Variants in GRM8 observed in about 807,000 individuals in gnomAD.
GRM8 encodes the protein glutamate metabotropic receptor 8.
A neutral mutation model predicts 87.2 loss-of-function variants in GRM8; 47 were observed. That is an observed-to-expected ratio of 0.54 (90% CI 0.43 to 0.69). GRM8 has a LOEUF of 0.69. Ranked by LOEUF, GRM8 falls within the 30% of genes least tolerant of loss-of-function variation. The pLI is 0.00. For missense variants in GRM8, 1,019 were observed against 1,139.2 expected (o/e 0.89, Z 1.52); for synonymous variants, 396 against 404.5 (o/e 0.98, Z 0.25).
intron 3 of GRM8, among the ~76,000 whole-genome samples, chr7:127,026,692 T>C (rs1271479027): frequency 4.0e-5 from 6 of 150,340 alleles, no homozygotes; most frequent in African/African-American, 9.7e-5. Flanking sequence ...TTTTTGATGG[T>C]TTTTTCTTGT....
At chr7:126,742,315 T>C (rs1242567365) in intron 7 of GRM8, among the ~76,000 whole-genome samples, 1 of 152,064 alleles carries the variant, frequency 6.6e-6, no homozygotes, top group Non-Finnish European at 1.5e-5. Context: ...AAAGACATAC[T>C]GGCTATGCTC....
chr7:126,695,446 T>C (rs1299578579), intron 7 of GRM8, among the ~76,000 whole-genome samples: 4 of 152,086 alleles, frequency 2.6e-5, no homozygotes, highest in African/African-American at 9.7e-5. Flanking sequence ...AAGGAGTAGA[T>C]GGAATGACTG....
At position 126,443,825 on chromosome 7, in the gene GRM8, T is replaced by C. The variant is rs541097107; in HGVS notation, c.2677+2301A>G. 2.6e-5 allele frequency among the ~76,000 whole-genome samples: 4 copies of C among 152,068 alleles called. No individual in the cohort carries two copies. In the South Asian group the frequency reaches 8.3e-4, roughly 32 times the overall value. On this transcript the variant is annotated intron_variant, in intron 10 of 10. Transcript: ENST00000339582. ...TATATAATTTCCATTTCAACATTAA[T>C]AGAAAATAACCAAAGGAAAACAGTA...
At chr7:126,441,987 T>C (rs997189478) in intron 10 of GRM8, among the ~76,000 whole-genome samples, 3 of 116,802 alleles carry the variant, frequency 2.6e-5, no homozygotes, top group East Asian at 5.0e-4. Context: ...TTACATTCTA[T>C]TCCCTGCAAA....
At chr7:126,454,608 A>G (rs1399906473) in intron 9 of GRM8, among the ~76,000 whole-genome samples, 2 of 151,548 alleles carry the variant, frequency 1.3e-5, no homozygotes, top group Non-Finnish European at 3.0e-5. Flanking sequence ...TCGAAGGCCT[A>G]ACCCCCAGTA....
At chr7:126,451,373 A>T (rs942674378) in intron 9 of GRM8, among the ~76,000 whole-genome samples, 1 of 151,684 alleles carries the variant, frequency 6.6e-6, no homozygotes, top group Non-Finnish European at 1.5e-5. Context: ...ACCATATCCT[A>T]TTGATTCTAC....
At chr7:127,044,134 C>T (rs1031785613) in intron 3 of GRM8, among the ~76,000 whole-genome samples, 13 of 152,198 alleles carry the variant, frequency 8.5e-5, no homozygotes, top group African/African-American at 3.1e-4. Context: ...AGGGGAAGCT[C>T]AGAGCTCACC....
At position 127,121,232 on chromosome 7, in the gene GRM8, C is replaced by T. The variant is rs73231209; in HGVS notation, c.511-14520G>A. 4.1e-3 allele frequency among the ~76,000 whole-genome samples: 620 copies of T among 152,226 alleles called. 1 individual carries two copies. Among genetic ancestry groups the T allele is most frequent in the Non-Finnish European group, 7.7e-3 (524 of 68,006 alleles). ...GAGCAATCAAGCCTGCATGTCTTGG[C>T]GAATTAGCTCATTTTCAGGAGACTT... On this transcript the variant is annotated intron_variant, in intron 2 of 10. Coordinates refer to ENST00000339582, the MANE Select transcript of GRM8 (RefSeq NM_000845.3).
chr7:126,483,849 C>A (rs1807040644), intron 9 of GRM8, among the ~76,000 whole-genome samples: 1 of 137,540 alleles, frequency 7.3e-6, no homozygotes, highest in African/African-American at 2.7e-5. Flanking sequence ...GAAGGGCTGA[C>A]AAAAACCACT....
At chr7:126,749,170 C>A (rs1208658134) in intron 7 of GRM8, among the ~76,000 whole-genome samples, 1 of 152,050 alleles carries the variant, frequency 6.6e-6, no homozygotes, top group South Asian at 2.1e-4. Context: ...CCCAGCTACT[C>A]CAGAGGCTGA....
intron 7 of GRM8, among the ~76,000 whole-genome samples, chr7:126,751,451 T>C (rs1230352472): frequency 6.6e-6 from 1 of 152,164 alleles, no homozygotes; most frequent in Admixed American, 6.6e-5. Flanking sequence ...TGTATGTACA[T>C]GTAGTTAAAT....
rs897293832 is a variant in GRM8, at chr7:126,863,968, AT to A, written c.1156+38573del. On this transcript the variant is annotated intron_variant, in intron 6 of 10. Transcript: ENST00000339582. ...CCTGGTATATCATTTTTCATTTTTAATTATTATATATATAAACATATACAAA... is the reference window on the plus strand; with the variant it reads ...CCTGGTATATCATTTTTCATTTTTAATATTATATATATAAACATATACAAA... 4.4e-4 allele frequency among the ~76,000 whole-genome samples: 65 copies of A among 148,630 alleles called. 2 individuals are homozygous for A. The highest frequency in any genetic ancestry group is 1.3e-4 in the Non-Finnish European group (9 of 67,308).
At position 126,712,271 on chromosome 7, in the gene GRM8, G is replaced by A. The variant is rs567560571; in HGVS notation, c.1357+57594C>T. ...GGGAGAATAGCAGGTTGGTGGAGAA[G>A]TCAGAACACACACAAAATTTATTAA... On this transcript the variant is annotated intron_variant, in intron 7 of 10. Coordinates refer to ENST00000339582, the MANE Select transcript of GRM8 (RefSeq NM_000845.3). Among the ~76,000 whole-genome samples, 10 of 152,294 alleles carry A rather than the reference G, an allele frequency of 6.6e-5. No individual in the cohort carries two copies. In the South Asian group the frequency reaches 2.1e-3, roughly 32 times the overall value.
intron 7 of GRM8, among the ~76,000 whole-genome samples, chr7:126,731,386 C>A (rs753742965): frequency 5.9e-5 from 9 of 152,062 alleles, no homozygotes; most frequent in Non-Finnish European, 1.3e-4. Context: ...TCACCTTTTG[C>A]GTTTCCTGAT....
intron 7 of GRM8, among the ~76,000 whole-genome samples, chr7:126,644,847 C>A (rs1802868434): frequency 6.6e-6 from 1 of 152,172 alleles, no homozygotes; most frequent in Non-Finnish European, 1.5e-5. Flanking sequence ...AAGAATTATT[C>A]TCTGTGAGGA....
chr7:126,517,209 C>T (rs1168176688), intron 9 of GRM8, among the ~76,000 whole-genome samples: 1 of 151,950 alleles, frequency 6.6e-6, no homozygotes, highest in African/African-American at 2.4e-5. Context: ...AGAATATAAA[C>T]TTAACATTTC....
intron 6 of GRM8, among the ~76,000 whole-genome samples, chr7:126,873,185 G>T (rs1320144292): frequency 6.6e-6 from 1 of 152,032 alleles, no homozygotes; most frequent in Non-Finnish European, 1.5e-5. Context: ...ACTTGTGTCT[G>T]CACAGTACAT....
At chr7:126,751,992 T>G (rs563724216) in intron 7 of GRM8, among the ~76,000 whole-genome samples, 1 of 152,280 alleles carries the variant, frequency 6.6e-6, no homozygotes, top group Non-Finnish European at 1.5e-5. Context: ...AGCCAGGTGA[T>G]GACTCCACCC....
chr7:126,982,639 A>G (rs1811650308), intron 3 of GRM8, among the ~76,000 whole-genome samples: 1 of 152,172 alleles, frequency 6.6e-6, no homozygotes, highest in Non-Finnish European at 1.5e-5. Flanking sequence ...AAAGGAAATG[A>G]AGATATTTTC....
Sources: gnomAD v4.1 joint callset for allele counts (sites outside exome capture counted in the v4.1 genomes callset) on GRCh38, gnomAD v4.1.1 for gene constraint, MANE v1.5 for transcripts, NCBI Gene and HGNC (gene_info 2026-07-23, HGNC 2026-07-21) for gene names.